Variants in ATRX observed in about 807,000 individuals in gnomAD.
ATRX encodes the protein chromatin remodeler ATRX.
Under a neutral mutation model 172.6 loss-of-function variants are expected in ATRX, and 12 were observed. That is an observed-to-expected ratio of 0.07 (90% CI 0.04 to 0.11). The LOEUF (loss-of-function observed/expected upper bound fraction) is 0.11. Ranked by LOEUF, ATRX falls within the 10% of genes least tolerant of loss-of-function variation. The probability of loss-of-function intolerance (pLI) is 1.00; values close to 1 mark genes in which losing one functional copy is unlikely to be tolerated. For synonymous variants in ATRX, 674 were observed against 594.7 expected, an observed-to-expected ratio of 1.13 and a Z score of -1.94; for missense variants, 1,368 against 1,767.4, an observed-to-expected ratio of 0.77 and a Z score of 4.05.
chrX:77,707,184 T>C (rs782586526), intron 2 of ATRX, among the ~76,000 whole-genome samples: 2 of 111,857 alleles, frequency 1.8e-5, no homozygotes, highest in Non-Finnish European at 3.8e-5. Context: ...GAAGAGAATG[T>C]AGAATGGTGT....
intron 34 of ATRX, among the ~76,000 whole-genome samples, chrX:77,518,525 G>C (rs1463205348): frequency 8.9e-6 from 1 of 111,816 alleles, no homozygotes; most frequent in East Asian, 2.8e-4. Context: ...AAAATGAAAA[G>C]ATCTTCCATG....
chrX:77,572,748 GTATT>G (rs782576814), intron 28 of ATRX, among the ~76,000 whole-genome samples: 1 of 111,610 alleles, frequency 9.0e-6, no homozygotes, highest in Non-Finnish European at 1.9e-5. Flanking sequence ...ATATAAAAAT[GTATT>G]TATTCTTTAA....
intron 1 of ATRX, among the ~76,000 whole-genome samples, chrX:77,720,801 A>C (rs2073718360): frequency 8.9e-6 from 1 of 111,848 alleles, no homozygotes; most frequent in African/African-American, 3.3e-5. Context: ...ATAGAAAACG[A>C]GGGAATCCTC....
intron 15 of ATRX, among the ~76,000 whole-genome samples, chrX:77,649,399 T>A (rs2069095695): frequency 8.9e-6 from 1 of 112,135 alleles, no homozygotes; most frequent in South Asian, 3.7e-4. Flanking sequence ...GGAATGGAAT[T>A]AGCAAAATAG....
At chrX:77,574,473 G>C (rs1418326109) in intron 27 of ATRX, 115 bp from the exon 28 acceptor site, 1 of 522,690 alleles carries the variant, frequency 1.9e-6, no homozygotes, top group African/African-American at 2.3e-5. Flanking sequence ...TATTCTATTT[G>C]TATAGCAAAA....
intron 1 of ATRX, among the ~76,000 whole-genome samples, chrX:77,763,844 T>C (rs1012225274): frequency 2.5e-4 from 28 of 111,106 alleles, no homozygotes; most frequent in African/African-American, 8.1e-4. Context: ...CTGGGCGCAG[T>C]GGTGCACACC....
Position 77,681,569 on chromosome X carries a change from C to A in ATRX, c.3687G>T (p.Val1229=). Residue 1229 remains valine, a synonymous_variant, in exon 9 of 35, where the codon GTG becomes GTT. Transcript: ENST00000373344. The part of the protein sequence containing the change: ...GSSDEQKIKP[V]TENLVLSSHT... ...GTGAAGACAGCACTAAATTTTCAGT[C>A]ACAGGCTTAATTTTCTGTTCATCGC... 2 of 1,209,925 alleles carry A rather than the reference C, an allele frequency of 1.7e-6. No homozygotes were observed. The highest frequency in any genetic ancestry group is 2.2e-6 in the Non-Finnish European group (2 of 894,887).
chrX:77,734,604 T>G (rs1431315828), intron 1 of ATRX, among the ~76,000 whole-genome samples: 2 of 108,705 alleles, frequency 1.8e-5, no homozygotes, highest in African/African-American at 6.7e-5. Context: ...CTGGCCAACA[T>G]GGTGAAACCC....
intron 21 of ATRX, among the ~76,000 whole-genome samples, chrX:77,617,914 T>G (rs2067420616): frequency 9.1e-6 from 1 of 110,251 alleles, no homozygotes; most frequent in Admixed American, 9.7e-5. Flanking sequence ...AGACAGGGTC[T>G]TGCTCTGTCA....
At position 77,626,990 on chromosome X, in the gene ATRX, C is replaced by T. The variant is rs191814468; in HGVS notation, c.5134+6217G>A. On this transcript the variant is annotated intron_variant, in intron 19 of 34. Coordinates refer to ENST00000373344, the MANE Select transcript of ATRX (RefSeq NM_000489.6). ...CCTGTAATCCCAGCACTTTGGCAGG[C>T]CAAGACGGGCGGATCACGAGGTCAG... Among the ~76,000 whole-genome samples, 862 of 111,413 alleles carry T rather than the reference C, an allele frequency of 7.7e-3. 9 individuals are homozygous for T. Among genetic ancestry groups the T allele is most frequent in the African/African-American group, 0.027 (833 of 30,678 alleles).
Position 77,633,379 on chromosome X carries a change from A to G in ATRX, c.4962T>C (p.Ser1654=). The change falls in exon 19 of 35, where the codon TCT becomes TCC. Residue 1654 remains serine (S), a synonymous_variant. Transcript: ENST00000373344. ...GLKDDEKLEV[S]ELATVKRPQE... is the part of the protein sequence containing the mutation. ...GAGGACGTTTCACAGTTGCTAATTC[A>G]GAAACCTTTTGTGGGGAAATAAAGA... 8.3e-7 allele frequency: 1 copy of G among 1,207,305 alleles called. No homozygotes were observed. The highest frequency in any genetic ancestry group is 1.1e-6 in the Non-Finnish European group (1 of 893,619).
chrX:77,613,945 A>T (rs1162891508), intron 22 of ATRX, among the ~76,000 whole-genome samples: 1 of 112,002 alleles, frequency 8.9e-6, no homozygotes, highest in African/African-American at 3.2e-5. Context: ...TGACAATAAA[A>T]GGCAAACCAT....
At chrX:77,779,895 A>G (rs2076509727) in intron 1 of ATRX, among the ~76,000 whole-genome samples, 1 of 112,252 alleles carries the variant, frequency 8.9e-6, no homozygotes, top group Non-Finnish European at 1.9e-5. Flanking sequence ...AAACTGAGAG[A>G]CAAAGTTTCA....
chrX:77,626,848 A>AAAAGAACT (rs1198327382), intron 19 of ATRX, among the ~76,000 whole-genome samples: 1 of 112,548 alleles, frequency 8.9e-6, no homozygotes, highest in African/African-American at 3.2e-5. Flanking sequence ...TCTTTAACTT[A>AAAAGAACT]AAAGAACTAT....
In ATRX at chrX:77,682,072, C is replaced by G. The variant is rs2148579889; in HGVS notation, c.3184G>C (p.Asp1062His). The change falls in exon 9 of 35, where the codon GAT becomes CAT. Residue 1062 changes from aspartate (D) to histidine (H), a missense_variant. Asp to His is a moderately conservative substitution (Grantham distance 81). This residue lies in a region of ATRX where 843 missense variants were observed against 643.1 expected (regional missense o/e 1.31). Coordinates refer to ENST00000373344, the MANE Select transcript of ATRX (RefSeq NM_000489.6). ...KTSKKKDELS[D>H]YAEKSTGKGD... ...TTCCCTGTTGACTTCTCAGCATAAT[C>G]AGATAATTCATCCTTCTTTTTAGAA... The G allele has an allele frequency of 8.3e-7, 1 of 1,210,300 alleles. No homozygotes were observed. Among genetic ancestry groups the G allele is most frequent in the Non-Finnish European group, 1.1e-6 (1 of 894,423 alleles).
At chrX:77,564,916 A>G (rs1212854549) in intron 28 of ATRX, among the ~76,000 whole-genome samples, 4 of 111,883 alleles carry the variant, frequency 3.6e-5, no homozygotes, top group African/African-American at 1.3e-4. Context: ...ATAACAAGGC[A>G]CTACCAGGGT....
intron 30 of ATRX, among the ~76,000 whole-genome samples, chrX:77,544,782 G>A (rs1038660297): frequency 3.6e-5 from 4 of 110,905 alleles, no homozygotes; most frequent in African/African-American, 9.9e-5. Flanking sequence ...ATTCCATGGT[G>A]TATATGTGCC....
intron 1 of ATRX, among the ~76,000 whole-genome samples, chrX:77,744,258 A>C (rs187552682): frequency 5.3e-4 from 60 of 112,475 alleles, no homozygotes; most frequent in African/African-American, 1.9e-3. Flanking sequence ...TTGAGGCTGA[A>C]GCAAGCTATG....
At chrX:77,655,639 T>C (rs1181522202) in intron 13 of ATRX, among the ~76,000 whole-genome samples, 1 of 110,058 alleles carries the variant, frequency 9.1e-6, no homozygotes, top group Non-Finnish European at 1.9e-5. Flanking sequence ...TTGCACAACT[T>C]TGCAAATATT....
Sources: allele counts gnomAD v4.1 joint callset (sites outside exome capture counted in the v4.1 genomes callset), GRCh38; gene constraint gnomAD v4.1.1; regional missense constraint gnomAD v4.1.1; transcripts MANE v1.5; gene names NCBI Gene and HGNC (gene_info 2026-07-23, HGNC 2026-07-21).